The following PAK5 variants were observed in gnomAD, a reference collection of about 807,000 sequenced individuals.
The protein encoded by PAK5 is serine/threonine-protein kinase PAK 5.
A neutral mutation model predicts 65.9 loss-of-function variants in PAK5; 16 were observed. That is an observed-to-expected ratio of 0.24 (90% CI 0.16 to 0.37). The LOEUF (loss-of-function observed/expected upper bound fraction) is 0.37. PAK5 is among the 10% of genes least tolerant of loss of function. The probability of loss-of-function intolerance (pLI) is 1.00; values close to 1 mark genes in which losing one functional copy is unlikely to be tolerated. For synonymous variants in PAK5, 371 were observed against 354.9 expected (o/e 1.05, Z -0.51); for missense variants, 785 against 903.9 (o/e 0.87, Z 1.69).
intron 2 of PAK5, among the ~76,000 whole-genome samples, chr20:9,673,877 G>A (rs1191451687): frequency 6.6e-6 from 1 of 152,154 alleles, no homozygotes; most frequent in Non-Finnish European, 1.5e-5. Context: ...CTCCTGGGAG[G>A]GCCACTGACC....
intron 1 of PAK5, among the ~76,000 whole-genome samples, chr20:9,817,328 C>G (rs746566910): frequency 1.3e-5 from 2 of 152,014 alleles, no homozygotes; most frequent in Admixed American, 6.6e-5. Context: ...CTTCAGGTAC[C>G]AGCAAATGTC....
intron 1 of PAK5, among the ~76,000 whole-genome samples, chr20:9,810,403 C>T (rs6141044): frequency 0.63 from 96,121 of 151,806 alleles, 30,887 homozygotes; most frequent in African/African-American, 0.72. Flanking sequence ...TGAGACCCTG[C>T]CTCTGCAAAA....
chr20:9,819,779 G>A (rs1019981284), intron 1 of PAK5, among the ~76,000 whole-genome samples: 8 of 152,178 alleles, frequency 5.3e-5, no homozygotes, highest in East Asian at 3.9e-4. Flanking sequence ...ACAAGGAACC[G>A]GTACTGGCAC....
At position 9,539,471 on chromosome 20, in the gene PAK5, C is replaced by T. The variant is rs537039369; in HGVS notation, c.2151G>A (p.Arg717=). 2.2e-5 allele frequency: 36 copies of T among 1,613,962 alleles called. No individual in the cohort carries two copies. In the East Asian group the frequency reaches 7.6e-4, roughly 34 times the overall value. Residue 717 remains arginine, a synonymous_variant, in exon 10 of 10, where the codon AGG becomes AGA. Transcript: ENST00000353224. ...SCIVPLMRQY[R]HH is the part of the protein sequence containing the mutation. Reference sequence around the variant, plus strand: ...TACACGAATCCTCTGCTCAGTGATGCCTGTATTGTCTCATGAGGGGGACGA... The same window carrying T: ...TACACGAATCCTCTGCTCAGTGATGTCTGTATTGTCTCATGAGGGGGACGA...
intron 1 of PAK5, among the ~76,000 whole-genome samples, chr20:9,774,262 G>A (rs1378427284): frequency 6.6e-6 from 1 of 152,204 alleles, no homozygotes; most frequent in African/African-American, 2.4e-5. Flanking sequence ...TCTTCTGAAA[G>A]TAAAGAATGA....
At chr20:9,725,605 C>T (rs748941698) in intron 1 of PAK5, among the ~76,000 whole-genome samples, 1 of 151,882 alleles carries the variant, frequency 6.6e-6, no homozygotes, top group Non-Finnish European at 1.5e-5. Context: ...GGTTCTTATT[C>T]GATAAATTTA....
chr20:9,800,214 T>A (rs1456949369), intron 1 of PAK5, among the ~76,000 whole-genome samples: 2 of 152,130 alleles, frequency 1.3e-5, no homozygotes, highest in African/African-American at 4.8e-5. Context: ...ACTTTGAGAT[T>A]CATGACGCTT....
At chr20:9,744,066 G>T (rs1034196670) in intron 1 of PAK5, among the ~76,000 whole-genome samples, 3 of 152,200 alleles carry the variant, frequency 2.0e-5, no homozygotes, top group African/African-American at 7.2e-5. Flanking sequence ...GCCAAAGAAT[G>T]CTGGAATCCA....
intron 1 of PAK5, among the ~76,000 whole-genome samples, chr20:9,813,890 T>C (rs1181598092): frequency 1.3e-5 from 2 of 152,236 alleles, no homozygotes; most frequent in African/African-American, 2.4e-5. Flanking sequence ...CATCCAGTTA[T>C]AGCCTTAAAA....
At chr20:9,652,895 T>C (rs1364488653) in intron 2 of PAK5, among the ~76,000 whole-genome samples, 1 of 152,234 alleles carries the variant, frequency 6.6e-6, no homozygotes, top group Non-Finnish European at 1.5e-5. Context: ...GATGTTTGGA[T>C]CTTACCTGTC....
intron 3 of PAK5, among the ~76,000 whole-genome samples, chr20:9,613,525 G>C (rs2046602467): frequency 6.6e-6 from 1 of 152,192 alleles, no homozygotes; most frequent in African/African-American, 2.4e-5. Flanking sequence ...AGCTTAACCA[G>C]GTTCTCACAG....
At position 9,539,435 on chromosome 20, in the gene PAK5, G is replaced by C; in HGVS notation, c.*27C>G. ...TGAATTATTCTCATGTCCTCATCTA[G>C]CTTTGCCACCTACACGAATCCTCTG... On this transcript the variant is annotated 3_prime_UTR_variant, in exon 10 of 10. Coordinates refer to ENST00000353224, the MANE Select transcript of PAK5 (RefSeq NM_177990.4). 6.2e-7 allele frequency: 1 copy of C among 1,608,486 alleles called. No individual in the cohort carries two copies.
intron 6 of PAK5, among the ~76,000 whole-genome samples, chr20:9,560,225 C>T (rs928191371): frequency 2.0e-5 from 3 of 152,162 alleles, no homozygotes; most frequent in Admixed American, 6.5e-5. Context: ...GCTGGAGAAT[C>T]GTTGGTGCAT....
At chr20:9,782,999 G>A (rs1322248038) in intron 1 of PAK5, among the ~76,000 whole-genome samples, 3 of 149,328 alleles carry the variant, frequency 2.0e-5, no homozygotes, top group African/African-American at 4.9e-5. Context: ...GCATGATGTC[G>A]GCTCACCACA....
chr20:9,705,843 C>T (rs56387209), intron 2 of PAK5, among the ~76,000 whole-genome samples: 3,063 of 152,264 alleles, frequency 0.02, 111 homozygotes, highest in African/African-American at 0.07. Context: ...TGTAGTATTA[C>T]TTAGCTGTGA....
At chr20:9,751,973 C>T (rs548566673) in intron 1 of PAK5, among the ~76,000 whole-genome samples, 1 of 152,140 alleles carries the variant, frequency 6.6e-6, no homozygotes, top group South Asian at 2.1e-4. Context: ...TTGTAAATGA[C>T]CAAACCTCGT....
chr20:9,735,748 C>T (rs1018631025), intron 1 of PAK5, among the ~76,000 whole-genome samples: 12 of 151,824 alleles, frequency 7.9e-5, no homozygotes, highest in Non-Finnish European at 5.9e-5. Context: ...ACTGGCCAGG[C>T]GCAGTGGATC....
intron 1 of PAK5, among the ~76,000 whole-genome samples, chr20:9,815,454 C>A (rs1279419385): frequency 1.3e-5 from 2 of 152,158 alleles, no homozygotes; most frequent in Non-Finnish European, 2.9e-5. Context: ...CCTTCTGAAG[C>A]AGCTCTACAA....
At chr20:9,705,639 G>T (rs745985030) in intron 2 of PAK5, among the ~76,000 whole-genome samples, 1 of 152,078 alleles carries the variant, frequency 6.6e-6, no homozygotes, top group Non-Finnish European at 1.5e-5. Context: ...TAGGCAAACC[G>T]AGATGGTTGG....
Sources: gnomAD v4.1 joint callset for allele counts (sites outside exome capture counted in the v4.1 genomes callset) on GRCh38, gnomAD v4.1.1 for gene constraint, MANE v1.5 for transcripts, NCBI Gene and HGNC (gene_info 2026-07-23, HGNC 2026-07-21) for gene names.